PRDM1: variants seen among roughly 807,000 people sequenced by gnomAD.
PRDM1 encodes PR domain zinc finger protein 1.
In PRDM1, 13 loss-of-function variants were observed where a neutral mutation model predicts 62.8. That is an observed-to-expected ratio of 0.21 (90% CI 0.13 to 0.33). PRDM1 has a LOEUF of 0.33. Ranked by LOEUF, PRDM1 falls within the 10% of genes least tolerant of loss-of-function variation. The probability of loss-of-function intolerance (pLI) is 1.00; values close to 1 mark genes in which losing one functional copy is unlikely to be tolerated. For synonymous variants in PRDM1, 396 were observed against 417.6 expected, an observed-to-expected ratio of 0.95 and a Z score of 0.63; for missense variants, 895 against 1,058.8, an observed-to-expected ratio of 0.85 and a Z score of 2.15.
chr6:106,011,544 T>C (rs566089043), intron 1 of PRDM1, among the ~76,000 whole-genome samples: 93 of 151,760 alleles, frequency 6.1e-4, no homozygotes, highest in African/African-American at 2.2e-3. Context: ...AGGAGCGGAG[T>C]ACACTATACC....
chr6:105,997,163 T>C (rs1051237994), intron 1 of PRDM1, among the ~76,000 whole-genome samples: 17 of 152,238 alleles, frequency 1.1e-4, no homozygotes, highest in African/African-American at 3.9e-4. Context: ...TCCAAATGAA[T>C]GGGCCTTACC....
In PRDM1 at chr6:106,052,115, G is replaced by A. The variant is rs115255194; in HGVS notation, c.-67+3401G>A. 7.4e-3 allele frequency among the ~76,000 whole-genome samples: 1,132 copies of A among 152,274 alleles called. 10 individuals are homozygous for A. Among genetic ancestry groups the A allele is most frequent in the African/African-American group, 0.026 (1,077 of 41,544 alleles). ...GGATACTGATGATGGTTGCCCCACA[G>A]TGTGAATCTACTTAATGCCACTGAG... On this transcript the variant is annotated intron_variant, in intron 1 of 6. Coordinates refer to the PRDM1 transcript ENST00000651185.
chr6:105,992,697 A>G (rs1184381302), upstream of PRDM1, among the ~76,000 whole-genome samples: 7 of 152,086 alleles, frequency 4.6e-5, no homozygotes, highest in East Asian at 1.2e-3. Flanking sequence ...TGAAAGCTAT[A>G]TTTTGGGCTG....
intron 1 of PRDM1, among the ~76,000 whole-genome samples, chr6:106,075,839 GC>G (rs971121866): frequency 1.2e-4 from 19 of 152,090 alleles, no homozygotes; most frequent in African/African-American, 4.6e-4. Flanking sequence ...CTACAGGCAT[GC>G]GACACTGCGC....
At chr6:106,017,208 A>T (rs1425197645) in intron 1 of PRDM1, among the ~76,000 whole-genome samples, 1 of 152,234 alleles carries the variant, frequency 6.6e-6, no homozygotes, top group Non-Finnish European at 1.5e-5. Flanking sequence ...TTTTGACTGC[A>T]CAGGAGAATT....
chr6:106,079,850 T>C (rs960561417), intron 1 of PRDM1, among the ~76,000 whole-genome samples: 1 of 152,206 alleles, frequency 6.6e-6, no homozygotes, highest in African/African-American at 2.4e-5. Flanking sequence ...ATGGTTGGAA[T>C]TGTTAATTCC....
chr6:106,105,973 C>A (rs2114659022), intron 5 of PRDM1, 40 bp downstream of exon 5: 1 of 1,571,978 alleles, frequency 6.4e-7, no homozygotes, highest in Non-Finnish European at 8.6e-7. Flanking sequence ...GCTGTGAGTG[C>A]ATGCTTGTGT....
intron 1 of PRDM1, among the ~76,000 whole-genome samples, chr6:105,998,927 ATATATATTTTTTTTTTT>A (rs1361937792): frequency 8.4e-3 from 17 of 2,032 alleles, no homozygotes; most frequent in East Asian, 0.032. Flanking sequence ...ATATATATAT[ATATATATTTTTTTTTTT>A]TTTTTTCTTT....
At chr6:106,009,122 C>G (rs1772515804) in intron 1 of PRDM1, among the ~76,000 whole-genome samples, 1 of 152,132 alleles carries the variant, frequency 6.6e-6, no homozygotes, top group Admixed American at 6.5e-5. Flanking sequence ...AGAACACTTG[C>G]GTAGGGGGTT....
At chr6:106,073,211 T>C (rs1374469541) in intron 1 of PRDM1, among the ~76,000 whole-genome samples, 1 of 150,610 alleles carries the variant, frequency 6.6e-6, no homozygotes, top group Non-Finnish European at 1.5e-5. Flanking sequence ...ACCTCCTGGG[T>C]TCAAGCGATT....
In PRDM1 at chr6:106,002,318, T is replaced by C. The variant is rs1221475293; in HGVS notation, c.-67+8679T>C. Reference sequence around the variant, plus strand: ...TCTTAGTGGTGTTTTAATTTTTTAATTTAATGTTTAACTTCTGAGAGAATT... The same window carrying C: ...TCTTAGTGGTGTTTTAATTTTTTAACTTAATGTTTAACTTCTGAGAGAATT... On this transcript the variant is annotated intron_variant, in intron 1 of 6. Coordinates refer to the PRDM1 transcript ENST00000652320. 5.3e-5 allele frequency among the ~76,000 whole-genome samples: 8 copies of C among 152,344 alleles called. No individual in the cohort carries two copies. The East Asian group carries it at 7.7e-4, about 15-fold the overall frequency.
intron 1 of PRDM1, among the ~76,000 whole-genome samples, chr6:106,071,822 T>C (rs1773525674): frequency 6.6e-6 from 1 of 152,212 alleles, no homozygotes; most frequent in Admixed American, 6.5e-5. Context: ...AGGAAGTGTT[T>C]TAAGTGTAGA....
intron 1 of PRDM1, among the ~76,000 whole-genome samples, chr6:106,025,185 C>A (rs1165689383): frequency 6.6e-6 from 1 of 152,166 alleles, no homozygotes; most frequent in Non-Finnish European, 1.5e-5. Context: ...AGAGGAGGAG[C>A]AGTGGAGATG....
At chr6:106,012,280 A>T (rs1772567094) in intron 1 of PRDM1, among the ~76,000 whole-genome samples, 1 of 126,358 alleles carries the variant, frequency 7.9e-6, no homozygotes, top group African/African-American at 3.1e-5. Flanking sequence ...ATTCACACAC[A>T]CCACTCACAC....
chr6:106,090,227 A>C (rs2114621607), intron 2 of PRDM1, among the ~76,000 whole-genome samples: 1 of 152,302 alleles, frequency 6.6e-6, no homozygotes, highest in South Asian at 2.1e-4. Context: ...AATATATTTC[A>C]GACCAATCCT....
At chr6:106,027,815 A>C (rs1386756835) in intron 1 of PRDM1, among the ~76,000 whole-genome samples, 1 of 152,350 alleles carries the variant, frequency 6.6e-6, no homozygotes, top group South Asian at 2.1e-4. Flanking sequence ...TTTTAAACCC[A>C]TGTGAAATGT....
chr6:106,016,633 A>AT (rs1357137714), intron 1 of PRDM1, among the ~76,000 whole-genome samples: 1 of 140,434 alleles, frequency 7.1e-6, no homozygotes, highest in Non-Finnish European at 1.5e-5. Context: ...TTATGCACAG[A>AT]TTTTTTCTTT....
chr6:106,006,446 C>A (rs1279060834), intron 1 of PRDM1, among the ~76,000 whole-genome samples: 6 of 152,012 alleles, frequency 3.9e-5, no homozygotes, highest in Non-Finnish European at 2.9e-5. Context: ...GTGGGGTGAA[C>A]CTAAACTCTA....
In PRDM1 at chr6:106,106,887, C is replaced by A. The variant is rs370797894; in HGVS notation, c.1903-24C>A. 1 of 1,584,468 alleles carries A rather than the reference C, an allele frequency of 6.3e-7. No homozygotes were observed. ...CTGGCCTTCCTGTCTCCCTTCCCTG[C>A]TGTCTCTCTCCCCTACACTGTAGGT... On this transcript the variant is annotated intron_variant, in intron 6 of 6. Coordinates refer to ENST00000369096, the MANE Select transcript of PRDM1 (RefSeq NM_001198.4). This position sits in a 1 kb window ranked among gnomAD's most constrained non-coding sequence, Gnocchi z 4.4.
Sources: allele counts gnomAD v4.1 joint callset (sites outside exome capture counted in the v4.1 genomes callset), GRCh38; gene constraint gnomAD v4.1.1; non-coding constraint Gnocchi (gnomAD v3.1); transcripts MANE v1.5; gene names NCBI Gene and HGNC (gene_info 2026-07-23, HGNC 2026-07-21).